Variants in DOCK7 observed in about 807,000 individuals in gnomAD.
DOCK7 encodes the protein dedicator of cytokinesis protein 7.
DOCK7 carries 138 observed loss-of-function variants against 271.0 expected under a neutral mutation model. The observed-to-expected ratio is 0.51, with a 90% CI of 0.44 to 0.59. The LOEUF (loss-of-function observed/expected upper bound fraction) is 0.59. DOCK7 is among the 20% of genes least tolerant of loss of function. DOCK7 has a pLI of 0.00. For synonymous variants in DOCK7, 823 were observed against 876.1 expected (o/e 0.94, Z 1.07); for missense variants, 2,066 against 2,592.4 (o/e 0.80, Z 4.41).
intron 41 of DOCK7, among the ~76,000 whole-genome samples, chr1:62,492,109 C>T (rs1361025254): frequency 1.3e-5 from 2 of 151,910 alleles, no homozygotes; most frequent in Non-Finnish European, 2.9e-5. Context: ...TTCCCAGCTA[C>T]CCAGGAGGCT....
chr1:62,567,065 G>A (rs1646541858), intron 18 of DOCK7, among the ~76,000 whole-genome samples: 2 of 152,204 alleles, frequency 1.3e-5, no homozygotes, highest in African/African-American at 4.8e-5. Context: ...TGGACAGGAT[G>A]TGGAGAAACA....
At chr1:62,635,865 T>G (rs1655203629) in intron 8 of DOCK7, among the ~76,000 whole-genome samples, 1 of 152,088 alleles carries the variant, frequency 6.6e-6, no homozygotes, top group Admixed American at 6.6e-5. Context: ...TTCTCCCACT[T>G]TGGCCTGCCA....
At chr1:62,625,091 T>C in intron 12 of DOCK7, 168 bp downstream of exon 12, 1 of 518,262 alleles carries the variant, frequency 1.9e-6, no homozygotes, top group East Asian at 3.1e-5. Flanking sequence ...AGGAACAATA[T>C]AAATCGTTTC....
intron 46 of DOCK7, 31 bp downstream of exon 46, chr1:62,475,676 A>C (rs1345255735): frequency 1.3e-6 from 2 of 1,588,792 alleles, no homozygotes; most frequent in Non-Finnish European, 1.7e-6. Context: ...TATTTGCTTC[A>C]CTAATGCTGT....
intron 22 of DOCK7, among the ~76,000 whole-genome samples, chr1:62,551,628 A>C (rs1438064544): frequency 6.6e-6 from 1 of 152,054 alleles, no homozygotes; most frequent in Admixed American, 6.6e-5. Context: ...AAAATTATAT[A>C]CATTATTAGT....
At chr1:62,599,212 C>G (rs1195875695) in intron 14 of DOCK7, among the ~76,000 whole-genome samples, 1 of 152,042 alleles carries the variant, frequency 6.6e-6, no homozygotes, top group Admixed American at 6.6e-5. Flanking sequence ...CAAGATTACC[C>G]AACCCTTCGT....
At chr1:62,540,562 C>T (rs984399576) in intron 25 of DOCK7, among the ~76,000 whole-genome samples, 2 of 152,154 alleles carry the variant, frequency 1.3e-5, no homozygotes, top group Non-Finnish European at 2.9e-5. Flanking sequence ...GTTAGAAACC[C>T]TGTCTTCACT....
At chr1:62,528,334 T>A (rs770559703) in intron 30 of DOCK7, 29 bp from the exon 31 acceptor site, 1 of 1,574,078 alleles carries the variant, frequency 6.4e-7, no homozygotes, top group South Asian at 1.2e-5. Flanking sequence ...AAAAAATAAA[T>A]AAAACTGTTT....
intron 7 of DOCK7, chr1:62,641,253 T>C: frequency 2.4e-6 from 1 of 415,896 alleles, no homozygotes; most frequent in Non-Finnish European, 4.7e-6. Flanking sequence ...TTCTTTCTCT[T>C]CTTCTCCATG....
intron 37 of DOCK7, among the ~76,000 whole-genome samples, chr1:62,499,068 C>T (rs1256814840): frequency 6.6e-6 from 1 of 152,204 alleles, no homozygotes; most frequent in Non-Finnish European, 1.5e-5. Context: ...TCCCAAAGTG[C>T]TGGGATTACA....
chr1:62,684,436 T>A (rs2149784722), intron 1 of DOCK7, among the ~76,000 whole-genome samples: 1 of 152,322 alleles, frequency 6.6e-6, no homozygotes, highest in Admixed American at 6.5e-5. Flanking sequence ...TACACATGTA[T>A]TAACTCATTT....
intron 14 of DOCK7, among the ~76,000 whole-genome samples, chr1:62,587,713 A>C (rs1291089228): frequency 6.6e-6 from 1 of 152,156 alleles, no homozygotes; most frequent in Non-Finnish European, 1.5e-5. Context: ...GTGGAAAGAG[A>C]TACCTAGCAT....
At chr1:62,650,952 C>A (rs1218195684) in intron 4 of DOCK7, among the ~76,000 whole-genome samples, 1 of 152,050 alleles carries the variant, frequency 6.6e-6, no homozygotes, top group Non-Finnish European at 1.5e-5. Flanking sequence ...TGGGTATATA[C>A]CCAAAGGATT....
chr1:62,685,079 A>G (rs557533467), intron 1 of DOCK7, among the ~76,000 whole-genome samples: 1 of 152,244 alleles, frequency 6.6e-6, no homozygotes. Context: ...AAAGCCTCAA[A>G]CCACATTATA....
intron 10 of DOCK7, among the ~76,000 whole-genome samples, chr1:62,633,251 AT>A (rs1654846141): frequency 6.6e-6 from 1 of 152,164 alleles, no homozygotes; most frequent in East Asian, 1.9e-4. Flanking sequence ...GATAGAAGAG[AT>A]TTTTAAAGAA....
intron 1 of DOCK7, among the ~76,000 whole-genome samples, chr1:62,671,683 G>A (rs980087223): frequency 2.3e-4 from 35 of 152,186 alleles, no homozygotes; most frequent in African/African-American, 8.2e-4. Flanking sequence ...AATATTTGCA[G>A]GGGAAAAATA....
intron 16 of DOCK7, among the ~76,000 whole-genome samples, chr1:62,582,618 A>T (rs922750739): frequency 6.7e-5 from 10 of 148,204 alleles, no homozygotes; most frequent in African/African-American, 2.5e-4. Context: ...AAAAAAAGAT[A>T]AAATGAATTG....
intron 48 of DOCK7, among the ~76,000 whole-genome samples, chr1:62,464,552 C>T (rs1387361581): frequency 6.6e-6 from 1 of 151,764 alleles, no homozygotes; most frequent in African/African-American, 2.4e-5. Context: ...TGTGGTGGTG[C>T]GTGCCTGCAA....
intron 7 of DOCK7, among the ~76,000 whole-genome samples, chr1:62,645,696 G>C (rs888098918): frequency 6.6e-6 from 1 of 152,160 alleles, no homozygotes; most frequent in Non-Finnish European, 1.5e-5. Context: ...ACTGTACACT[G>C]AATATACACT....
Sources: allele counts gnomAD v4.1 joint callset (sites outside exome capture counted in the v4.1 genomes callset), GRCh38; gene constraint gnomAD v4.1.1; transcripts MANE v1.5; gene names NCBI Gene and HGNC (gene_info 2026-07-23, HGNC 2026-07-21).